Variants in SAG observed in about 807,000 individuals in gnomAD.
The protein encoded by SAG is S-arrestin.
In SAG, 45 loss-of-function variants were observed where a neutral mutation model predicts 55.0. The ratio of observed to expected loss-of-function variants is 0.82; its 90% CI spans 0.64 to 1.05. The LOEUF (loss-of-function observed/expected upper bound fraction) is 1.05, where lower values mean the gene tolerates loss of function less well. SAG is among the 50% of genes least tolerant of loss of function. The pLI is 0.00. For synonymous variants in SAG, 189 were observed against 197.4 expected (o/e 0.96, Z 0.36); for missense variants, 455 against 512.1 (o/e 0.89, Z 1.08).
rs368394555 is a variant in SAG at position 233,319,951 on chromosome 2, G to T, written c.182-679G>T. ...CTCGTGCTTTATATTTGAGAAATAT[G>T]TGCTTCGTGTCTTTTTTAGAAGGTG... On this transcript the variant is annotated intron_variant, in intron 4 of 15. Coordinates refer to ENST00000409110, the MANE Select transcript of SAG (RefSeq NM_000541.5). The surrounding 1 kb of genome is among the most constrained non-coding windows in gnomAD (Gnocchi z 4.4). The T allele has an allele frequency of 1.0e-6, 1 of 985,540 alleles. No homozygotes were observed. 61.0% of individuals were successfully genotyped at this position (985,540 alleles called of 1,614,324 possible). A position where few individuals can be genotyped will look rare whatever the true frequency, so the allele number is the denominator to read the frequency against.
At chr2:233,344,547 C>T (rs763400382) in intron 14 of SAG, 27 of 152,106 alleles carry the variant, frequency 1.8e-4, no homozygotes, top group Non-Finnish European at 3.5e-4. Flanking sequence ...GTGAACATAT[C>T]ACAATGTCAG....
intron 5 of SAG, among the ~76,000 whole-genome samples, chr2:233,321,217 T>C (rs1035039309): frequency 1.3e-5 from 2 of 152,296 alleles, no homozygotes; most frequent in African/African-American, 4.8e-5. Context: ...TCTTTTTCCT[T>C]GCCCACAGCT....
chr2:233,344,666 A>C lies in SAG; in HGVS notation c.1103-1737A>C, dbSNP rs141084521. 35 of 152,320 alleles carry C rather than the reference A, an allele frequency of 2.3e-4. No individual in the cohort carries two copies. The East Asian group carries it at 6.6e-3, about 29-fold the overall frequency. 9.4% of individuals were successfully genotyped at this position (152,320 alleles called of 1,614,324 possible). On this transcript the variant is annotated intron_variant, in intron 14 of 15. Transcript: ENST00000409110. Reference sequence around the variant, plus strand: ...TCTAGAGATATGAGATAGATATGAGATAGATGAGATTTCTAGAGATAAATG... The same window carrying C: ...TCTAGAGATATGAGATAGATATGAGCTAGATGAGATTTCTAGAGATAAATG...
intron 12 of SAG, 142 bp downstream of exon 12, chr2:233,338,895 G>A: frequency 1.3e-6 from 1 of 756,294 alleles, no homozygotes; most frequent in South Asian, 1.5e-5. Flanking sequence ...GAGCTTGGGA[G>A]AGATTCTGTT....
intron 7 of SAG, chr2:233,327,414 G>C: frequency 2.3e-6 from 1 of 438,888 alleles, no homozygotes; most frequent in Non-Finnish European, 4.1e-6. Context: ...CAGGGCTCAC[G>C]TAAGCCCCGA....
At position 233,331,660 on chromosome 2, in the gene SAG, GT is replaced by G; in HGVS notation, c.756del (p.Leu253SerfsTer26). 6.2e-7 allele frequency: 1 copy of G among 1,613,710 alleles called. No individual in the cohort carries two copies. Among genetic ancestry groups the G allele is most frequent in the Non-Finnish European group, 8.5e-7 (1 of 1,179,662 alleles). ...TGCAGTGGAACAGGTGGCCAATGTG[GT>G]TCTCTACTCGAGTGATTATTACGTC... ...KAFVEQVANV[V>X]LYSSDYYVKP... is the part of the protein sequence containing the mutation. On this transcript the variant is annotated frameshift_variant, in exon 10 of 16. Coordinates refer to ENST00000409110, the MANE Select transcript of SAG (RefSeq NM_000541.5). LOFTEE classifies it high-confidence loss of function.
chr2:233,337,087 C>A (rs1258945611), intron 11 of SAG, among the ~76,000 whole-genome samples: 12 of 130,492 alleles, frequency 9.2e-5, no homozygotes, highest in Admixed American at 3.0e-4. Flanking sequence ...TAAAATGAGA[C>A]CCTGTCTCAA....
At chr2:233,338,811 C>A in intron 12 of SAG, 58 bp downstream of exon 12, 1 of 1,416,880 alleles carries the variant, frequency 7.1e-7, no homozygotes, top group Non-Finnish European at 1.0e-6. Context: ...ATGGTCTGAA[C>A]TTTTCCTTTC....
Position 233,319,022 on chromosome 2 carries a change from G to A in SAG, c.181+227G>A, listed in dbSNP as rs748238517. The A allele has an allele frequency of 4.3e-6, 3 of 702,754 alleles. No individual in the cohort carries two copies. In the South Asian group the frequency reaches 4.5e-5, roughly 11 times the overall value. 43.5% of individuals were successfully genotyped at this position (702,754 alleles called of 1,614,324 possible). The stretch of plus-strand genomic sequence containing the variant: ...ACTCGCTCAGCAAAGTCATTGTCCA[G>A]GGTGGCAGATAAGTAGATGGTAGAC... On this transcript the variant is annotated intron_variant, in intron 4 of 15. Coordinates refer to ENST00000409110, the MANE Select transcript of SAG (RefSeq NM_000541.5). The surrounding 1 kb of genome is among the most constrained non-coding windows in gnomAD (Gnocchi z 4.4).
chr2:233,320,058 G>A (rs892327752), intron 4 of SAG: 3 of 847,950 alleles, frequency 3.5e-6, no homozygotes, highest in African/African-American at 1.8e-5. Context: ...AGAAGTGGGG[G>A]TTTAGAGAAT....
intron 10 of SAG, 200 bp from the exon 11 acceptor site, chr2:233,334,762 C>A: frequency 1.7e-6 from 1 of 582,708 alleles, no homozygotes; most frequent in Non-Finnish European, 3.1e-6. Context: ...AAATATCCTC[C>A]TGTTGCTGCC....
chr2:233,334,690 T>A, intron 10 of SAG: 1 of 349,798 alleles, frequency 2.9e-6, no homozygotes. Flanking sequence ...CCAGTTTGTC[T>A]CATTAACTCC....
intron 5 of SAG, among the ~76,000 whole-genome samples, chr2:233,322,185 CAAAA>C (rs35197599): frequency 0.054 from 3,529 of 65,910 alleles, 38 homozygotes; most frequent in Non-Finnish European, 0.069. Context: ...GACTCTGTCT[CAAAA>C]AAAAAAAAAA....
intron 2 of SAG, among the ~76,000 whole-genome samples, chr2:233,310,506 C>CT (rs967605903): frequency 0.056 from 6,488 of 115,406 alleles, 884 homozygotes; most frequent in African/African-American, 0.2. Context: ...ATCATTCTGG[C>CT]TTTTTTTTTT....
chr2:233,336,515 G>GAAA (rs1393539820), intron 11 of SAG, among the ~76,000 whole-genome samples: 13 of 133,954 alleles, frequency 9.7e-5, no homozygotes, highest in African/African-American at 3.0e-4. Flanking sequence ...CTCCATCTCA[G>GAAA]AAAAAAAAAA....
intron 5 of SAG, among the ~76,000 whole-genome samples, chr2:233,322,577 G>T (rs1020818047): frequency 2.0e-5 from 3 of 152,154 alleles, no homozygotes; most frequent in Admixed American, 6.6e-5. Flanking sequence ...AAGGTGGGTG[G>T]ATTACTTAAG....
At position 233,322,957 on chromosome 2, in the gene SAG, C is replaced by G; in HGVS notation, c.387C>G (p.Tyr129Ter). The G allele has an allele frequency of 6.4e-7, 1 of 1,570,208 alleles. No homozygotes were observed. ...GTTTCTTTCCACAGTTTCCTGACTA[C>G]TTGCCCTGTTCAGTGATGTTGCAGC... is the stretch of plus-strand genomic sequence containing the variant. ...TYPFLLTFPD[Y>*]LPCSVMLQPA... The change falls in exon 6 of 16, where the codon TAC (tyrosine) becomes TAG (stop). Residue 129 changes from tyrosine to a stop codon, truncating the protein, a stop_gained. Transcript: ENST00000409110. LOFTEE classifies it high-confidence loss of function.
chr2:233,324,887 TC>T (rs1700501173), intron 6 of SAG, among the ~76,000 whole-genome samples: 2 of 151,982 alleles, frequency 1.3e-5, no homozygotes, highest in South Asian at 4.1e-4. Flanking sequence ...GTTCGTGAAA[TC>T]AATGTAGTGG....
chr2:233,325,759 G>A (rs1022216136), intron 6 of SAG, among the ~76,000 whole-genome samples: 1 of 152,198 alleles, frequency 6.6e-6, no homozygotes, highest in Non-Finnish European at 1.5e-5. Context: ...TCTTAGCACA[G>A]CTGCAGGGCT....
Sources: gnomAD v4.1 joint callset for allele counts (sites outside exome capture counted in the v4.1 genomes callset) on GRCh38, gnomAD v4.1.1 for gene constraint, Gnocchi (gnomAD v3.1) non-coding constraint, MANE v1.5 for transcripts, NCBI Gene and HGNC (gene_info 2026-07-23, HGNC 2026-07-21) for gene names.